NT5DC4: variants seen among roughly 807,000 people sequenced by gnomAD.
NT5DC4 encodes 5'-nucleotidase domain-containing protein 4.
In NT5DC4, 44 loss-of-function variants were observed where a neutral mutation model predicts 26.6. The observed-to-expected ratio is 1.65, with a 90% confidence interval of 1.30 to 2.13. NT5DC4 has a LOEUF of 2.13. NT5DC4 is among the 30% of genes most tolerant of loss of function. The pLI is 0.00. For missense variants in NT5DC4, 399 were observed against 228.1 expected (o/e 1.75, Z -4.83); for synonymous variants, 157 against 86.7 (o/e 1.81, Z -4.51).
At chr2:112,741,231 C>T (rs532107672), downstream of NT5DC4, among the ~76,000 whole-genome samples, 16 of 152,258 alleles carry the variant, frequency 1.1e-4, no homozygotes, top group East Asian at 3.1e-3. Context: ...AGCCAGCCCC[C>T]GAGACTGCTG....
intron 16 of NT5DC4, among the ~76,000 whole-genome samples, chr2:112,730,310 CAAA>C (rs11375761): frequency 3.9e-5 from 3 of 76,170 alleles, no homozygotes; most frequent in South Asian, 1.3e-3. Flanking sequence ...AAGACTGTCT[CAAA>C]AAAAAAAAAA....
rs760872089 is a variant in NT5DC4 at position 112,726,243 on chromosome 2, T to C, written c.1159T>C (p.Leu387=). The C allele has an allele frequency of 5.6e-6, 4 of 716,594 alleles. No homozygotes were observed. The highest frequency in any genetic ancestry group is 1.0e-5 in the Non-Finnish European group (4 of 384,840). The allele number at this position is 716,594 out of a possible 1,614,324, so 44.4% of individuals were successfully genotyped here. The change falls in exon 14 of 17, where the codon TTG becomes CTG. Residue 387 remains leucine (L), a synonymous_variant. Coordinates refer to ENST00000688554, the MANE Select transcript of NT5DC4 (RefSeq NM_001393655.1). Reference sequence around the variant, plus strand: ...GACCCCTGGTGGCTTTTCAGAGCGGTTGGAGGAGCTGAAGAGACTGGACAC... The same window carrying C: ...GACCCCTGGTGGCTTTTCAGAGCGGCTGGAGGAGCTGAAGAGACTGGACAC... ...LDIWAQEKER[L]EELKRLDTHL...
rs757723098 is a variant in NT5DC4, at chr2:112,738,796, AC to A, written c.1345-115del. The A allele has an allele frequency of 5.5e-6, 8 of 1,459,440 alleles. No homozygotes were observed. In the South Asian group the frequency reaches 6.9e-5, roughly 13 times the overall value. The allele number at this position is 1,459,440 out of a possible 1,614,324, so 90.4% of individuals were successfully genotyped here. The stretch of plus-strand genomic sequence containing the variant: ...TCTTGTCTTATGTTGGTTCTGAAAC[AC>A]CTTTTTTAAAAAAAGCATCAAGAAA... On this transcript the variant is annotated intron_variant, in intron 16 of 16. Transcript: ENST00000688554.
chr2:112,735,544 C>T (rs1274258517), intron 16 of NT5DC4, among the ~76,000 whole-genome samples: 3 of 151,868 alleles, frequency 2.0e-5, no homozygotes, highest in Admixed American at 6.6e-5. Context: ...AAAAGCCATC[C>T]CCGAACAACA....
chr2:112,734,367 C>G (rs1055873466), intron 16 of NT5DC4, among the ~76,000 whole-genome samples: 1 of 152,176 alleles, frequency 6.6e-6, no homozygotes, highest in Non-Finnish European at 1.5e-5. Flanking sequence ...ACATAGCTTG[C>G]TCTCTCCAAC....
chr2:112,731,946 A>G (rs1200432146), intron 16 of NT5DC4, among the ~76,000 whole-genome samples: 1 of 140,130 alleles, frequency 7.1e-6, no homozygotes, highest in Non-Finnish European at 1.5e-5. Flanking sequence ...TTTTTGAGAC[A>G]GAGTCTCATT....
chr2:112,723,984 T>C, intron 9 of NT5DC4, 110 bp from the exon 10 acceptor site: 2 of 706,794 alleles, frequency 2.8e-6, no homozygotes, highest in South Asian at 3.0e-5. Context: ...TGAGCAACTT[T>C]CTCACCATCT....
Position 112,721,894 on chromosome 2 carries a change from A to T in NT5DC4, c.148+3A>T. The T allele has an allele frequency of 1.4e-6, 1 of 717,404 alleles. No homozygotes were observed. The highest frequency in any genetic ancestry group is 1.5e-5 in the South Asian group (1 of 67,604). The allele number at this position is 717,404 out of a possible 1,614,324, so 44.4% of individuals were successfully genotyped here. On this transcript the variant is annotated splice_donor_region_variant and intron_variant, in intron 2 of 16. Coordinates refer to ENST00000688554, the MANE Select transcript of NT5DC4 (RefSeq NM_001393655.1). The stretch of plus-strand genomic sequence containing the variant: ...CGACATGGACTACACTCTGGCTGGT[A>T]GAGAGGGCTGGAACACAGCGTATTG...
Position 112,722,293 on chromosome 2 carries a change from T to G in NT5DC4, c.362+15T>G, listed in dbSNP as rs1464659590. The G allele has an allele frequency of 9.8e-6, 7 of 716,434 alleles. No homozygotes were observed. The highest frequency in any genetic ancestry group is 1.8e-5 in the Non-Finnish European group (7 of 384,980). 44.4% of individuals were successfully genotyped at this position (716,434 alleles called of 1,614,324 possible). On this transcript the variant is annotated intron_variant, in intron 4 of 16. Transcript: ENST00000688554. ...TTCCTCTCGGAGTAAGGGACAAAGGTGCCGGGAGAGTGGCAGGCCAGGAGG... is the reference window on the plus strand; with the variant it reads ...TTCCTCTCGGAGTAAGGGACAAAGGGGCCGGGAGAGTGGCAGGCCAGGAGG...
chr2:112,726,597 C>G, intron 14 of NT5DC4, 81 bp from the exon 15 acceptor site: 1 of 714,306 alleles, frequency 1.4e-6, no homozygotes, highest in Non-Finnish European at 2.6e-6. Context: ...CCCACCCGAC[C>G]CCTGCTGGGG....
upstream of NT5DC4, among the ~76,000 whole-genome samples, chr2:112,719,967 TTTC>T (rs1558715413): frequency 1.2e-3 from 157 of 131,036 alleles, no homozygotes; most frequent in African/African-American, 4.3e-3. Flanking sequence ...TCTTTCTTTC[TTTC>T]TTTCTTTCTT....
upstream of NT5DC4, among the ~76,000 whole-genome samples, chr2:112,719,213 TGAGGTCACTAAGCCATAG>T (rs1676615208): frequency 6.6e-6 from 1 of 152,218 alleles, no homozygotes; most frequent in Non-Finnish European, 1.5e-5. Context: ...ATGATGGCGA[TGAGGTCACTAAGCCATAG>T]GAGTTGTTGA....
At chr2:112,728,702 C>T (rs890027477) in intron 15 of NT5DC4, among the ~76,000 whole-genome samples, 7 of 152,188 alleles carry the variant, frequency 4.6e-5, no homozygotes, top group African/African-American at 1.7e-4. Context: ...GGGCTGGGTG[C>T]TTTTCATCGA....
chr2:112,728,065 G>T (rs1334347340), intron 15 of NT5DC4, among the ~76,000 whole-genome samples: 2 of 152,208 alleles, frequency 1.3e-5, no homozygotes, highest in African/African-American at 2.4e-5. Flanking sequence ...AGCTTGCAAG[G>T]TCACCAGCCC....
chr2:112,742,585 G>C (rs1452318070), downstream of NT5DC4: 1 of 749,546 alleles, frequency 1.3e-6, no homozygotes, highest in Non-Finnish European at 2.4e-6. Context: ...GCCAGGTCAT[G>C]GAAACCAAGA....
intron 10 of NT5DC4, 158 bp downstream of exon 10, chr2:112,724,284 C>T: frequency 4.6e-6 from 3 of 658,818 alleles, no homozygotes; most frequent in Non-Finnish European, 8.4e-6. Context: ...GGAAGCTCCC[C>T]AGTGGGTAGG....
chr2:112,735,831 C>T (rs1679085587), intron 16 of NT5DC4, among the ~76,000 whole-genome samples: 1 of 152,158 alleles, frequency 6.6e-6, no homozygotes, highest in Non-Finnish European at 1.5e-5. Flanking sequence ...TGATCGAAAC[C>T]TCCAATGTGC....
In NT5DC4 at chr2:112,724,840, G is replaced by A; in HGVS notation, c.849G>A (p.Gln283=). The change falls in exon 11 of 17, where the codon CAG becomes CAA. Residue 283 remains glutamine (Q), a synonymous_variant. Transcript: ENST00000688554. ...TTGACCTGATCGTGGTGGACACGCA[G>A]AAGCCCCACTTCTTTGCAGAGGGGT... ...SYFDLIVVDT[Q]KPHFFAEGLV... 1.4e-6 allele frequency: 1 copy of A among 717,218 alleles called. No homozygotes were observed. Among genetic ancestry groups the A allele is most frequent in the South Asian group, 1.5e-5 (1 of 67,606 alleles). 44.4% of individuals were successfully genotyped at this position (717,218 alleles called of 1,614,324 possible). A position where few individuals can be genotyped will look rare whatever the true frequency, so the allele number is the denominator to read the frequency against.
At chr2:112,729,739 G>A (rs1000099265) in intron 16 of NT5DC4, 35 bp downstream of exon 16, 16 of 717,078 alleles carry the variant, frequency 2.2e-5, no homozygotes, top group Non-Finnish European at 3.9e-5. Context: ...CTGTGGCTTG[G>A]GGTCCCATGG....
Sources: allele counts gnomAD v4.1 joint callset (sites outside exome capture counted in the v4.1 genomes callset), GRCh38; gene constraint gnomAD v4.1.1; transcripts MANE v1.5; gene names NCBI Gene and HGNC (gene_info 2026-07-23, HGNC 2026-07-21).